GRM7: variants seen among roughly 807,000 people sequenced by gnomAD.
GRM7 encodes the protein metabotropic glutamate receptor 7.
In GRM7, 35 loss-of-function variants were observed where a neutral mutation model predicts 84.5. The observed-to-expected ratio is 0.41, with a 90% CI of 0.32 to 0.55. The LOEUF (loss-of-function observed/expected upper bound fraction) is 0.55. GRM7 is among the 20% of genes least tolerant of loss of function. GRM7 has a pLI of 0.19. For missense variants in GRM7, 1,003 were observed against 1,194.6 expected, an observed-to-expected ratio of 0.84 and a Z score of 2.36; for synonymous variants, 487 against 455.1, an observed-to-expected ratio of 1.07 and a Z score of -0.89.
At chr3:7,169,995 G>A (rs1049503740) in intron 2 of GRM7, among the ~76,000 whole-genome samples, 2 of 151,578 alleles carry the variant, frequency 1.3e-5, no homozygotes, top group Non-Finnish European at 2.9e-5. Flanking sequence ...ACAGACCCCT[G>A]GGCCTCATCC....
chr3:7,703,523 G>T (rs1247639569), intron 9 of GRM7, among the ~76,000 whole-genome samples: 1 of 151,926 alleles, frequency 6.6e-6, no homozygotes, highest in Non-Finnish European at 1.5e-5. Flanking sequence ...TCCAATCCGG[G>T]AGTTTCAGCT....
chr3:7,139,518 T>C (rs943406492), intron 1 of GRM7, among the ~76,000 whole-genome samples: 14 of 151,924 alleles, frequency 9.2e-5, no homozygotes, highest in African/African-American at 2.7e-4. Flanking sequence ...ACCTTGGATG[T>C]TTGGAAATGT....
intron 1 of GRM7, among the ~76,000 whole-genome samples, chr3:6,952,926 C>T (rs1219518463): frequency 1.3e-5 from 2 of 152,086 alleles, no homozygotes; most frequent in Non-Finnish European, 2.9e-5. Context: ...AGTCATGAAG[C>T]AAAATTCCAA....
At chr3:7,444,021 G>A (rs1216616686) in intron 5 of GRM7, among the ~76,000 whole-genome samples, 1 of 152,176 alleles carries the variant, frequency 6.6e-6, no homozygotes, top group Non-Finnish European at 1.5e-5. Context: ...TTCCAGTGTT[G>A]TCAACCTGAT....
intron 1 of GRM7, among the ~76,000 whole-genome samples, chr3:7,007,960 A>G (rs921124328): frequency 3.9e-5 from 6 of 152,204 alleles, no homozygotes; most frequent in African/African-American, 1.4e-4. Flanking sequence ...AGAAATGTTC[A>G]AAACGTTCCC....
At position 7,364,925 on chromosome 3, in the gene GRM7, G is replaced by C. The variant is rs115022435; in HGVS notation, c.1034-50098G>C. Among the ~76,000 whole-genome samples the C allele has an allele frequency of 5.1e-3, 775 of 151,776 alleles. 16 individuals are homozygous for C. Among genetic ancestry groups the C allele is most frequent in the Non-Finnish European group, 3.3e-3 (226 of 67,796 alleles). ...CTTTTTGCATCCTACTCACTTACCT[G>C]GTTCGCTCTCTTTTCTCCTGAAGTA... On this transcript the variant is annotated intron_variant, in intron 4 of 9. Coordinates refer to ENST00000357716, the MANE Select transcript of GRM7 (RefSeq NM_000844.4).
intron 5 of GRM7, among the ~76,000 whole-genome samples, chr3:7,433,743 T>G (rs958492544): frequency 2.6e-5 from 4 of 152,152 alleles, no homozygotes; most frequent in Non-Finnish European, 5.9e-5. Flanking sequence ...TAAAATATAT[T>G]CCCTAAGGAA....
intron 7 of GRM7, among the ~76,000 whole-genome samples, chr3:7,478,984 AG>A (rs1450658758): frequency 2.0e-5 from 3 of 152,170 alleles, no homozygotes; most frequent in Non-Finnish European, 4.4e-5. Flanking sequence ...AGACAATTAT[AG>A]TACAGAGATG....
intron 1 of GRM7, among the ~76,000 whole-genome samples, chr3:6,895,330 A>C (rs890546342): frequency 1.3e-5 from 2 of 152,178 alleles, no homozygotes; most frequent in African/African-American, 4.8e-5. Context: ...AAAAGAATGG[A>C]AAGCTGCCTT....
intron 5 of GRM7, among the ~76,000 whole-genome samples, chr3:7,440,540 C>A (rs1188558279): frequency 6.6e-6 from 1 of 152,126 alleles, no homozygotes; most frequent in Non-Finnish European, 1.5e-5. Context: ...AGTACATATG[C>A]AGCTTGGTTC....
chr3:7,663,390 G>A (rs1445278228), intron 8 of GRM7, among the ~76,000 whole-genome samples: 1 of 152,156 alleles, frequency 6.6e-6, no homozygotes, highest in African/African-American at 2.4e-5. Flanking sequence ...ATAAACGTAA[G>A]CAAGCTAAAT....
chr3:7,180,265 A>G (rs1253516263), intron 2 of GRM7, among the ~76,000 whole-genome samples: 2 of 152,152 alleles, frequency 1.3e-5, no homozygotes, highest in Admixed American at 6.6e-5. Context: ...TTTGTGCTAA[A>G]ATTTTGGCCA....
At chr3:7,187,218 CA>C (rs1695550033) in intron 2 of GRM7, among the ~76,000 whole-genome samples, 1 of 152,012 alleles carries the variant, frequency 6.6e-6, no homozygotes, top group Non-Finnish European at 1.5e-5. Flanking sequence ...CACACACACA[CA>C]CACACAAAAT....
chr3:7,065,955 A>G (rs537958557), intron 1 of GRM7, among the ~76,000 whole-genome samples: 14 of 152,018 alleles, frequency 9.2e-5, no homozygotes, highest in Admixed American at 8.5e-4. Context: ...ATCAAGATGG[A>G]AATTAAAACA....
chr3:7,057,712 A>G (rs1018799863), intron 1 of GRM7, among the ~76,000 whole-genome samples: 1 of 151,942 alleles, frequency 6.6e-6, no homozygotes, highest in East Asian at 1.9e-4. Flanking sequence ...CTTGTTTTCC[A>G]GCTGGAGAAA....
intron 4 of GRM7, among the ~76,000 whole-genome samples, chr3:7,393,160 G>C (rs200432229): frequency 6.6e-6 from 1 of 152,126 alleles, no homozygotes; most frequent in Non-Finnish European, 1.5e-5. Flanking sequence ...TCCCAGGAAC[G>C]CATGGCCATG....
intron 8 of GRM7, among the ~76,000 whole-genome samples, chr3:7,676,542 T>C (rs1700129300): frequency 6.6e-6 from 1 of 152,072 alleles, no homozygotes; most frequent in Admixed American, 6.5e-5. Context: ...CTCTGCAACC[T>C]GTGCCTCCCA....
intron 9 of GRM7, chr3:7,693,711 A>T: frequency 1.4e-6 from 2 of 1,448,624 alleles, no homozygotes; most frequent in Non-Finnish European, 1.9e-6. Context: ...CTGTCCTTCT[A>T]AGTGTCCTAA....
chr3:7,559,042 G>T (rs1435317236), intron 7 of GRM7: 2 of 152,058 alleles, frequency 1.3e-5, no homozygotes, highest in Non-Finnish European at 2.9e-5. Context: ...AAATTATTGA[G>T]CTCTGAATAA....
Sources: gnomAD v4.1 joint callset for allele counts (sites outside exome capture counted in the v4.1 genomes callset) on GRCh38, gnomAD v4.1.1 for gene constraint, MANE v1.5 for transcripts, NCBI Gene and HGNC (gene_info 2026-07-23, HGNC 2026-07-21) for gene names.